The following CCSER1 variants were observed in gnomAD, a reference collection of about 807,000 sequenced individuals.
CCSER1 encodes the protein serine-rich coiled-coil domain-containing protein 1.
In CCSER1, 41 loss-of-function variants were observed where a neutral mutation model predicts 82.0. That is an observed-to-expected ratio of 0.50 (90% CI 0.39 to 0.65). The LOEUF is 0.65. Among genes scored for constraint, CCSER1 ranks in the 30% least tolerant of loss-of-function variants. The probability of loss-of-function intolerance (pLI) is 0.00; values close to 1 mark genes in which losing one functional copy is unlikely to be tolerated. For synonymous variants in CCSER1, 414 were observed against 383.9 expected (o/e 1.08, Z -0.92); for missense variants, 1,119 against 1,064.2 (o/e 1.05, Z -0.72).
chr4:91,188,084 T>C (rs2149043678), intron 10 of CCSER1, among the ~76,000 whole-genome samples: 1 of 152,078 alleles, frequency 6.6e-6, no homozygotes, highest in East Asian at 1.9e-4. Flanking sequence ...GGAACAATTA[T>C]AAATAATATT....
At position 90,588,459 on chromosome 4, in the gene CCSER1, TTA is replaced by T. The variant is rs530150827; in HGVS notation, c.1725-39564_1725-39563del. 1.1e-4 allele frequency among the ~76,000 whole-genome samples: 17 copies of T among 152,350 alleles called. No individual in the cohort carries two copies. In the East Asian group the frequency reaches 3.3e-3, roughly 29 times the overall value. Reference sequence around the variant, plus strand: ...CAACTTCTCAAGCATTCAAATTTTGTTATGAGTTTGCAGCAATTCAGTTACTT... The same window carrying T: ...CAACTTCTCAAGCATTCAAATTTTGTTGAGTTTGCAGCAATTCAGTTACTT... On this transcript the variant is annotated intron_variant, in intron 5 of 10. Transcript: ENST00000509176.
At chr4:91,210,125 A>C (rs951583170) in intron 10 of CCSER1, among the ~76,000 whole-genome samples, 2 of 151,764 alleles carry the variant, frequency 1.3e-5, no homozygotes, top group African/African-American at 4.8e-5. Context: ...ATGACCTAAA[A>C]ACCTGCTTGA....
chr4:90,730,172 G>C (rs532889636), intron 7 of CCSER1, among the ~76,000 whole-genome samples: 18 of 152,232 alleles, frequency 1.2e-4, no homozygotes, highest in Admixed American at 3.3e-4. Flanking sequence ...TTATGTAAAA[G>C]AATACATTTG....
intron 9 of CCSER1, among the ~76,000 whole-genome samples, chr4:91,033,967 T>C (rs1019837675): frequency 4.6e-5 from 7 of 152,136 alleles, no homozygotes; most frequent in Non-Finnish European, 8.8e-5. Context: ...AACAAGGCAA[T>C]AAGAGCTCAA....
At chr4:91,047,035 T>C (rs904345510) in intron 9 of CCSER1, among the ~76,000 whole-genome samples, 4 of 152,072 alleles carry the variant, frequency 2.6e-5, no homozygotes. Context: ...GTTGTTTATA[T>C]CATTTACATC....
Position 91,294,359 on chromosome 4 carries a change from T to C in CCSER1, c.2217+208365T>C, listed in dbSNP as rs115686719. On this transcript the variant is annotated intron_variant, in intron 10 of 10. Transcript: ENST00000509176. ...TTGGGAAATTCTAGTGGAGACTTAA[T>C]ACGTTATTTAATCTTCCTGATAGAT... 5.4e-3 allele frequency among the ~76,000 whole-genome samples: 815 copies of C among 152,034 alleles called. 5 individuals carry two copies. The highest frequency in any genetic ancestry group is 6.6e-3 in the Non-Finnish European group (446 of 67,928).
rs1388522250 is a variant in CCSER1 at position 91,599,183 on chromosome 4, GT to G, written c.*134del. 1.5e-5 allele frequency: 18 copies of G among 1,208,720 alleles called. No individual in the cohort carries two copies. The highest frequency in any genetic ancestry group is 1.9e-5 in the Non-Finnish European group (17 of 905,642). The allele number at this position is 1,208,720 out of a possible 1,614,324, so 74.9% of individuals were successfully genotyped here. A position where few individuals can be genotyped will look rare whatever the true frequency, so the allele number is the denominator to read the frequency against. The stretch of plus-strand genomic sequence containing the variant: ...GTTATAAACAGAGTTGTGTTGTTGG[GT>G]TTTTTTTCTTAGTCATAAACAAAGA... On this transcript the variant is annotated 3_prime_UTR_variant, in exon 11 of 11. Transcript: ENST00000509176.
At chr4:91,185,636 C>G (rs1581733465) in intron 10 of CCSER1, among the ~76,000 whole-genome samples, 1 of 152,334 alleles carries the variant, frequency 6.6e-6, no homozygotes, top group Middle Eastern at 3.4e-3. Context: ...TGGCATTTCC[C>G]AAAATCAGGT....
At chr4:91,215,362 T>C (rs1302704055) in intron 10 of CCSER1, among the ~76,000 whole-genome samples, 2 of 152,188 alleles carry the variant, frequency 1.3e-5, no homozygotes, top group African/African-American at 4.8e-5. Context: ...TAGGGTTCTC[T>C]AGAGGGACAG....
chr4:90,273,270 T>G (rs1366721283), intron 1 of CCSER1, among the ~76,000 whole-genome samples: 3 of 151,936 alleles, frequency 2.0e-5, no homozygotes, highest in Non-Finnish European at 4.4e-5. Flanking sequence ...TACAGAAAAG[T>G]AGAATGAATG....
intron 4 of CCSER1, among the ~76,000 whole-genome samples, chr4:90,441,084 T>A (rs752765508): frequency 1.3e-5 from 2 of 152,140 alleles, no homozygotes; most frequent in African/African-American, 4.8e-5. Context: ...TTTGGGAGGA[T>A]CTGAAAGAGA....
At chr4:90,924,322 C>T (rs1169363126) in intron 9 of CCSER1, among the ~76,000 whole-genome samples, 3 of 151,964 alleles carry the variant, frequency 2.0e-5, no homozygotes, top group Admixed American at 6.6e-5. Context: ...AAATAACAAA[C>T]TTGGATGCTA....
intron 10 of CCSER1, among the ~76,000 whole-genome samples, chr4:91,169,775 A>G (rs77466229): frequency 1.3e-5 from 2 of 152,064 alleles, no homozygotes; most frequent in African/African-American, 4.8e-5. Flanking sequence ...AAAAAAAAAA[A>G]TTATGGCTGC....
chr4:90,841,250 G>A (rs973032960), intron 8 of CCSER1, among the ~76,000 whole-genome samples: 25 of 152,094 alleles, frequency 1.6e-4, no homozygotes, highest in African/African-American at 5.3e-4. Flanking sequence ...GGCAGCAAGG[G>A]TAGAAACAAA....
At chr4:91,317,006 T>C (rs1745882507) in intron 10 of CCSER1, among the ~76,000 whole-genome samples, 1 of 151,958 alleles carries the variant, frequency 6.6e-6, no homozygotes, top group African/African-American at 2.4e-5. Flanking sequence ...TTAATAATAA[T>C]GTATTGTAAA....
intron 1 of CCSER1, among the ~76,000 whole-genome samples, chr4:90,294,232 C>A (rs2153469066): frequency 6.6e-6 from 1 of 151,996 alleles, no homozygotes; most frequent in Admixed American, 6.6e-5. Flanking sequence ...AATAGTCTTG[C>A]CGGGCGCAGT....
chr4:91,154,485 C>G (rs897148356), intron 10 of CCSER1, among the ~76,000 whole-genome samples: 1 of 119,964 alleles, frequency 8.3e-6, no homozygotes, highest in East Asian at 3.3e-4. Flanking sequence ...AATGCGTTGC[C>G]CTGCTCCTGC....
intron 10 of CCSER1, among the ~76,000 whole-genome samples, chr4:91,334,269 T>C (rs1280320816): frequency 2.0e-5 from 3 of 152,046 alleles, no homozygotes; most frequent in Non-Finnish European, 4.4e-5. Flanking sequence ...GCTCATGCCT[T>C]CTTCAAAACC....
In CCSER1 at chr4:91,091,512, A is replaced by G. The variant is rs559502844; in HGVS notation, c.2217+5518A>G. Among the ~76,000 whole-genome samples the G allele has an allele frequency of 3.3e-4, 51 of 152,310 alleles. 2 individuals carry two copies. The South Asian group carries it at 0.01, about 30-fold the overall frequency. The stretch of plus-strand genomic sequence containing the variant: ...TCCTCTGTGTGGGAAGAAGCAGTGG[A>G]AGCTTTTACCACACCAGTCCATGTT... On this transcript the variant is annotated intron_variant, in intron 10 of 10. Transcript: ENST00000509176.
Sources: gnomAD v4.1 joint callset for allele counts (sites outside exome capture counted in the v4.1 genomes callset) on GRCh38, gnomAD v4.1.1 for gene constraint, MANE v1.5 for transcripts, NCBI Gene and HGNC (gene_info 2026-07-23, HGNC 2026-07-21) for gene names.